Variants in TECTA observed in about 807,000 individuals in gnomAD.
TECTA encodes alpha-tectorin.
TECTA carries 128 observed loss-of-function variants against 216.8 expected under a neutral mutation model. That is an observed-to-expected ratio of 0.59 (90% CI 0.51 to 0.68). TECTA has a LOEUF of 0.68. Among genes scored for constraint, TECTA ranks in the 30% least tolerant of loss-of-function variants. The probability of loss-of-function intolerance (pLI) is 0.00; values close to 1 mark genes in which losing one functional copy is unlikely to be tolerated. For synonymous variants in TECTA, 1,089 were observed against 1,117.1 expected (o/e 0.97, Z 0.50); for missense variants, 2,551 against 2,786.2 (o/e 0.92, Z 1.90).
At chr11:121,156,925 G>A (rs1385261674) in intron 13 of TECTA, among the ~76,000 whole-genome samples, 2 of 152,138 alleles carry the variant, frequency 1.3e-5, no homozygotes, top group African/African-American at 2.4e-5. Context: ...ATCCCAAAAC[G>A]TTCCTTTCAT....
chr11:121,189,278 G>A, intron 22 of TECTA, 111 bp downstream of exon 22: 1 of 1,054,802 alleles, frequency 9.5e-7, no homozygotes, highest in East Asian at 2.5e-5. Flanking sequence ...CTGGTGTTGG[G>A]GACACCGGTT....
At chr11:121,102,169 C>G (rs1565514559) in intron 1 of TECTA, among the ~76,000 whole-genome samples, 1 of 152,162 alleles carries the variant, frequency 6.6e-6, no homozygotes, top group Non-Finnish European at 1.5e-5. Flanking sequence ...ATGGCAGACT[C>G]TAAATTCTCC....
intron 15 of TECTA, 34 bp downstream of exon 15, chr11:121,160,455 G>A (rs1946988214): frequency 1.2e-6 from 2 of 1,602,820 alleles, no homozygotes; most frequent in East Asian, 2.2e-5. Context: ...ACTAGACTTG[G>A]TGGCCCAAGT....
chr11:121,137,522 G>C lies in TECTA; in HGVS notation c.3043G>C (p.Glu1015Gln), dbSNP rs536343896. Residue 1015 changes from glutamate (E) to glutamine (Q), a missense_variant, in exon 11 of 24, where the codon GAG (glutamate) becomes CAG (glutamine). By Grantham distance (29) the Glu-to-Gln change is conservative. This residue lies in a region of TECTA where 2,375 missense variants were observed against 2,563.9 expected (regional missense o/e 0.93). Transcript: ENST00000392793. ...CCCCATCTGCGTGGATAGCTGCTCT[G>C]AGGGATGTCAGTGTGATGAGGGCTA... ...LGPICVDSCS[E>Q]GCQCDEGYAL... 2.3e-4 allele frequency: 368 copies of C among 1,613,942 alleles called. 3 individuals are homozygous for C. In the South Asian group the frequency reaches 3.7e-3, roughly 16 times the overall value.
rs920273300 is a variant in TECTA, at chr11:121,157,914, A to T, written c.4379A>T (p.Asp1460Val). The T allele has an allele frequency of 8.1e-6, 13 of 1,614,110 alleles. No homozygotes were observed. Among genetic ancestry groups the T allele is most frequent in the South Asian group, 1.1e-5 (1 of 91,082 alleles). The stretch of plus-strand genomic sequence containing the variant: ...TTCCGTCGCAACGTGATTCAGTGCG[A>T]CCCGCGCCAATGCAAGTCAGACGAG... ...RCFRRNVIQC[D>V]PRQCKSDEEC... Residue 1460 changes from aspartate to valine, a missense_variant, in exon 14 of 24, where the codon GAC becomes GTC. Transcript: ENST00000392793.
At position 121,137,775 on chromosome 11, in the gene TECTA, C is replaced by T. The variant is rs1316892505; in HGVS notation, c.3296C>T (p.Ser1099Phe). The T allele has an allele frequency of 3.7e-6, 6 of 1,614,044 alleles. No individual in the cohort carries two copies. The highest frequency in any genetic ancestry group is 5.1e-6 in the Non-Finnish European group (6 of 1,180,022). ...TACTGCCAAGCCCGCACCGACGCCT[C>T]CTGCATCGTCTCAGGCTACGGCCAC... ...LYYCQARTDASCIVSGYGHYL... is the reference protein window; with the variant it reads ...LYYCQARTDAFCIVSGYGHYL... The change falls in exon 11 of 24, where the codon TCC becomes TTC. Residue 1099 changes from serine (S) to phenylalanine (F), a missense_variant. Transcript: ENST00000392793.
At position 121,138,026 on chromosome 11, in the gene TECTA, A is replaced by T. The variant is rs768029593; in HGVS notation, c.3543+4A>T. ...AGCTTACAAGCACACTGTGCTGGTG[A>T]GTAGTCATGAGGTCCCCTCAAAAGG... On this transcript the variant is annotated splice_donor_region_variant and intron_variant, in intron 11 of 23. Transcript: ENST00000392793. The T allele has an allele frequency of 1.2e-6, 2 of 1,613,726 alleles. No individual in the cohort carries two copies. Among genetic ancestry groups the T allele is most frequent in the Non-Finnish European group, 1.7e-6 (2 of 1,179,720 alleles).
chr11:121,135,794 G>C (rs1018139789), intron 10 of TECTA, among the ~76,000 whole-genome samples: 1 of 152,164 alleles, frequency 6.6e-6, no homozygotes, highest in African/African-American at 2.4e-5. Context: ...GAAGATGGTG[G>C]GGACTTCGCT....
At position 121,127,759 on chromosome 11, in the gene TECTA, A is replaced by G; in HGVS notation, c.1782A>G (p.Thr594=). The G allele has an allele frequency of 1.9e-6, 3 of 1,614,078 alleles. No homozygotes were observed. Among genetic ancestry groups the G allele is most frequent in the Non-Finnish European group, 2.5e-6 (3 of 1,179,990 alleles). The part of the protein sequence containing the change: ...DWRTQTGCVS[T]VQCPSFSHYS... ...TTCCTTTCCCCGCGTCAGTGTCCAC[A>G]GTGCAGTGCCCGAGCTTCAGCCACT... The change falls in exon 9 of 24, where the codon ACA becomes ACG. Residue 594 remains threonine, a synonymous_variant. Coordinates refer to ENST00000392793, the MANE Select transcript of TECTA (RefSeq NM_005422.4). This position sits in a 1 kb window ranked among gnomAD's most constrained non-coding sequence, Gnocchi z 5.0.
At chr11:121,104,621 T>C (rs1946375022) in intron 2 of TECTA, among the ~76,000 whole-genome samples, 1 of 152,152 alleles carries the variant, frequency 6.6e-6, no homozygotes, top group South Asian at 2.1e-4. Context: ...TCCTCTCTTT[T>C]ACATGAGCTG....
At chr11:121,104,367 G>T (rs1244906014) in intron 2 of TECTA, among the ~76,000 whole-genome samples, 2 of 152,096 alleles carry the variant, frequency 1.3e-5, no homozygotes, top group African/African-American at 4.8e-5. Context: ...TGGGCCCAGA[G>T]TGCCTATGAC....
At chr11:121,167,662 A>G (rs1446330155) in intron 18 of TECTA, among the ~76,000 whole-genome samples, 1 of 152,190 alleles carries the variant, frequency 6.6e-6, no homozygotes, top group Non-Finnish European at 1.5e-5. Context: ...CCTTGTAGGC[A>G]TGTCTGGTGA....
chr11:121,134,872 T>G (rs546075607), intron 10 of TECTA, among the ~76,000 whole-genome samples: 15 of 152,296 alleles, frequency 9.8e-5, no homozygotes, highest in African/African-American at 3.1e-4. Context: ...ATATTCCCTG[T>G]TTCCCTGCAT....
In TECTA at chr11:121,190,667, T is replaced by C. The variant is rs753178071; in HGVS notation, c.6368-39T>C. Reference sequence around the variant, plus strand: ...CTGATCCCTATCAAACAGGTATTTTTCCCCCCATAGGGCTTACTGTGTTCC... The same window carrying C: ...CTGATCCCTATCAAACAGGTATTTTCCCCCCCATAGGGCTTACTGTGTTCC... On this transcript the variant is annotated intron_variant, in intron 23 of 23. Transcript: ENST00000392793. 13 of 1,475,166 alleles carry C rather than the reference T, an allele frequency of 8.8e-6. No homozygotes were observed. The East Asian group carries it at 9.1e-5, about 10-fold the overall frequency. The allele number at this position is 1,475,166 out of a possible 1,614,324, so 91.4% of individuals were successfully genotyped here.
At chr11:121,152,282 A>T (rs1946898030) in intron 12 of TECTA, among the ~76,000 whole-genome samples, 1 of 152,232 alleles carries the variant, frequency 6.6e-6, no homozygotes, top group Admixed American at 6.5e-5. Context: ...CACGGTGTAC[A>T]TTTGCCTTCT....
intron 3 of TECTA, among the ~76,000 whole-genome samples, chr11:121,107,905 G>T (rs758233515): frequency 6.6e-6 from 1 of 152,158 alleles, no homozygotes; most frequent in South Asian, 2.1e-4. Flanking sequence ...TGCAGCGATT[G>T]TACCAGGACA....
intron 14 of TECTA, 36 bp downstream of exon 14, chr11:121,158,260 C>T (rs780032471): frequency 9.3e-6 from 15 of 1,605,484 alleles, no homozygotes; most frequent in East Asian, 2.2e-5. Flanking sequence ...AGAAGGGGCC[C>T]GGAAACAAGG....
At chr11:121,156,173 AT>A (rs1336415915) in intron 13 of TECTA, among the ~76,000 whole-genome samples, 19 of 151,990 alleles carry the variant, frequency 1.3e-4, no homozygotes, top group Admixed American at 1.2e-3. Flanking sequence ...TTTTAATTTA[AT>A]TTTATTATTA....
At chr11:121,124,485 A>G (rs867726732) in intron 7 of TECTA, among the ~76,000 whole-genome samples, 3 of 152,168 alleles carry the variant, frequency 2.0e-5, no homozygotes, top group Admixed American at 2.0e-4. Flanking sequence ...GACCCAGGTT[A>G]GACTTAACTG....
Sources: allele counts gnomAD v4.1 joint callset (sites outside exome capture counted in the v4.1 genomes callset), GRCh38; gene constraint gnomAD v4.1.1; regional missense constraint gnomAD v4.1.1; non-coding constraint Gnocchi (gnomAD v3.1); transcripts MANE v1.5; gene names NCBI Gene and HGNC (gene_info 2026-07-23, HGNC 2026-07-21).